Variants in TAF8 observed in about 807,000 individuals in gnomAD.
TAF8 encodes TATA-box binding protein associated factor 8.
A neutral mutation model predicts 36.5 loss-of-function variants in TAF8; 47 were observed. The ratio of observed to expected loss-of-function variants is 1.29; its 90% CI spans 1.02 to 1.64. The LOEUF (loss-of-function observed/expected upper bound fraction) is 1.64, where lower values mean the gene tolerates loss of function less well. Among genes scored for constraint, TAF8 ranks in the 40% most tolerant of loss-of-function variants. The pLI, the probability that TAF8 is intolerant of heterozygous loss-of-function variation, is 0.00. For missense variants in TAF8, 420 were observed against 407.6 expected, an observed-to-expected ratio of 1.03 and a Z score of -0.26; for synonymous variants, 175 against 159.5, an observed-to-expected ratio of 1.10 and a Z score of -0.73.
intron 2 of TAF8, among the ~76,000 whole-genome samples, chr6:42,052,387 T>C (rs1347237223): frequency 7.1e-6 from 1 of 140,376 alleles, no homozygotes; most frequent in Non-Finnish European, 1.5e-5. Flanking sequence ...AGTGGCACAA[T>C]CTCAGCTCAC....
chr6:42,063,237 A>C (rs1256522214), intron 5 of TAF8: 1 of 151,968 alleles, frequency 6.6e-6, no homozygotes, highest in Non-Finnish European at 1.5e-5. Context: ...ATCTCAGCTC[A>C]CCACAGCCTC....
Position 42,051,496 on chromosome 6 carries a change from C to CA in TAF8, c.186dup (p.Glu63ArgfsTer19), listed in dbSNP as rs1482303616. 1 of 1,613,998 alleles carries CA rather than the reference C, an allele frequency of 6.2e-7. No homozygotes were observed. Among genetic ancestry groups the CA allele is most frequent in the African/African-American group, 1.3e-5 (1 of 75,048 alleles). On this transcript the variant is annotated frameshift_variant, in exon 2 of 9. Coordinates refer to ENST00000372977, the MANE Select transcript of TAF8 (RefSeq NM_138572.3). LOFTEE classifies it high-confidence loss of function. ...GAGAAAGCATCCGTGGAAACGCTGA[C>CA]AGAGATGCTGCAGAGCTGTGAGTAC...
intron 2 of TAF8, among the ~76,000 whole-genome samples, chr6:42,055,302 A>G (rs1764937663): frequency 6.6e-6 from 1 of 152,208 alleles, no homozygotes; most frequent in South Asian, 2.1e-4. Flanking sequence ...ATAATATTCC[A>G]TTGTATGTAT....
chr6:42,072,377 T>C (rs1234866241), intron 7 of TAF8, among the ~76,000 whole-genome samples: 3 of 152,178 alleles, frequency 2.0e-5, no homozygotes, highest in African/African-American at 7.2e-5. Flanking sequence ...CAAAAAGATG[T>C]ATGGTGACAA....
chr6:42,055,543 T>A lies in TAF8; in HGVS notation c.215T>A (p.Ile72Asn). Residue 72 changes from isoleucine (I) to asparagine (N), a missense_variant, in exon 3 of 9, where the codon ATT becomes AAT. By Grantham distance (149) the Ile-to-Asn change is moderately radical. Coordinates refer to ENST00000372977, the MANE Select transcript of TAF8 (RefSeq NM_138572.3). ...AATCCCCTCTTAGACATTTCAGAAA[T>A]TGGGAGAAGTGCCAAGTCTTACTGT... ...TEMLQSYISE[I>N]GRSAKSYCEH... is the part of the protein sequence containing the mutation. 1 of 1,613,820 alleles carries A rather than the reference T, an allele frequency of 6.2e-7. No homozygotes were observed. The highest frequency in any genetic ancestry group is 8.5e-7 in the Non-Finnish European group (1 of 1,179,680).
downstream of TAF8, among the ~76,000 whole-genome samples, chr6:42,086,107 G>A (rs1766021033): frequency 6.6e-6 from 1 of 152,220 alleles, no homozygotes. Flanking sequence ...AGCACTGTGA[G>A]AAATACATTT....
chr6:42,067,608 C>T (rs1343951803), intron 6 of TAF8, among the ~76,000 whole-genome samples: 1 of 152,110 alleles, frequency 6.6e-6, no homozygotes, highest in African/African-American at 2.4e-5. Context: ...CTCACTTTGT[C>T]GCCCAGTCTT....
At chr6:42,076,674 A>G (rs1440227775) in intron 7 of TAF8, among the ~76,000 whole-genome samples, 1 of 152,186 alleles carries the variant, frequency 6.6e-6, no homozygotes, top group East Asian at 1.9e-4. Context: ...TAGCTTGGCC[A>G]GGAGATGCGC....
At chr6:42,061,791 C>T (rs111453537) in intron 5 of TAF8, among the ~76,000 whole-genome samples, 1,711 of 152,140 alleles carry the variant, frequency 0.011, 21 homozygotes, top group Middle Eastern at 0.034. Flanking sequence ...CTTTAGAGGA[C>T]CTAATATCTA....
intron 4 of TAF8, chr6:42,056,219 T>G (rs1764983374): frequency 2.0e-6 from 1 of 506,808 alleles, no homozygotes; most frequent in Non-Finnish European, 3.6e-6. Context: ...AAACCATCTT[T>G]GAGATATTGC....
intron 5 of TAF8, among the ~76,000 whole-genome samples, chr6:42,059,730 G>C (rs1431514873): frequency 1.3e-5 from 2 of 152,222 alleles, no homozygotes; most frequent in Non-Finnish European, 2.9e-5. Context: ...CCCAAAGTTA[G>C]TTTAGCCTCC....
At chr6:42,056,199 A>G (rs1040884778) in intron 4 of TAF8, 185 bp downstream of exon 4, 1 of 538,456 alleles carries the variant, frequency 1.9e-6, no homozygotes, top group South Asian at 2.1e-5. Context: ...AAATTCAGTC[A>G]CCAAAAGGTA....
At chr6:42,085,409 A>G (rs1486119045), downstream of TAF8, among the ~76,000 whole-genome samples, 1 of 152,156 alleles carries the variant, frequency 6.6e-6, no homozygotes, top group Non-Finnish European at 1.5e-5. Context: ...GGTAGCTGCT[A>G]TGGTCTGAAT....
chr6:42,051,161 G>T (rs1238705771), intron 1 of TAF8, 196 bp from the exon 2 acceptor site: 1 of 1,303,484 alleles, frequency 7.7e-7, no homozygotes, highest in African/African-American at 1.5e-5. Flanking sequence ...GGTAAGCGGA[G>T]AAGTGGTCTC....
intron 7 of TAF8, among the ~76,000 whole-genome samples, chr6:42,069,429 C>T (rs12194513): frequency 0.11 from 17,459 of 152,076 alleles, 1,048 homozygotes; most frequent in East Asian, 0.26. Context: ...TCACCTAGAT[C>T]ATTTGGTCAG....
In TAF8 at chr6:42,079,196, G is replaced by A. The variant is rs1056813731; in HGVS notation, c.*1651G>A. On this transcript the variant is annotated 3_prime_UTR_variant, in exon 9 of 9. Transcript: ENST00000372977. The stretch of plus-strand genomic sequence containing the variant: ...GTGAGGGTGGGGTGTTGAGGGCTGG[G>A]CCTCATCTTGTATTCTGAAAGCTGA... 1.0e-4 allele frequency: 100 copies of A among 985,548 alleles called. No individual in the cohort carries two copies. The highest frequency in any genetic ancestry group is 1.0e-3 in the Middle Eastern group (2 of 1,924). 61.1% of individuals were successfully genotyped at this position (985,548 alleles called of 1,614,324 possible). A position where few individuals can be genotyped will look rare whatever the true frequency, so the allele number is the denominator to read the frequency against.
intron 5 of TAF8, among the ~76,000 whole-genome samples, chr6:42,060,162 A>G (rs192492188): frequency 9.1e-4 from 139 of 152,336 alleles, no homozygotes; most frequent in African/African-American, 3.2e-3. Context: ...TTAAAAGCAA[A>G]GATTTGGAAG....
At chr6:42,069,659 C>T (rs1484778581) in intron 7 of TAF8, among the ~76,000 whole-genome samples, 1 of 152,132 alleles carries the variant, frequency 6.6e-6, no homozygotes, top group East Asian at 1.9e-4. Context: ...AGACATCAGG[C>T]GGTGATGTCA....
Position 42,080,981 on chromosome 6 carries a change from T to G in TAF8, c.*3436T>G, listed in dbSNP as rs1343377785. 2 of 985,160 alleles carry G rather than the reference T, an allele frequency of 2.0e-6. No homozygotes were observed. Among genetic ancestry groups the G allele is most frequent in the Non-Finnish European group, 2.4e-6 (2 of 829,774 alleles). 61.0% of individuals were successfully genotyped at this position (985,160 alleles called of 1,614,324 possible). A position where few individuals can be genotyped will look rare whatever the true frequency, so the allele number is the denominator to read the frequency against. On this transcript the variant is annotated 3_prime_UTR_variant, in exon 9 of 9. Coordinates refer to ENST00000372977, the MANE Select transcript of TAF8 (RefSeq NM_138572.3). ...GGACAAATAAGTCAGGCTTAGCCCTTGTGTTGGCCTAAGCACACCTGGGAA... is the reference window on the plus strand; with the variant it reads ...GGACAAATAAGTCAGGCTTAGCCCTGGTGTTGGCCTAAGCACACCTGGGAA...
Sources: gnomAD v4.1 joint callset for allele counts (sites outside exome capture counted in the v4.1 genomes callset) on GRCh38, gnomAD v4.1.1 for gene constraint, MANE v1.5 for transcripts, NCBI Gene and HGNC (gene_info 2026-07-23, HGNC 2026-07-21) for gene names.